Variants in CHD5 observed in about 807,000 individuals in gnomAD.
CHD5 encodes the protein chromodomain helicase DNA binding protein 5.
In CHD5, 69 loss-of-function variants were observed where a neutral mutation model predicts 230.3. The observed-to-expected ratio is 0.30, with a 90% CI of 0.25 to 0.37. The LOEUF (loss-of-function observed/expected upper bound fraction) is 0.37, where lower values mean the gene tolerates loss of function less well. Among genes scored for constraint, CHD5 ranks in the 10% least tolerant of loss-of-function variants. The pLI is 1.00. For missense variants in CHD5, 1,827 were observed against 2,622.8 expected (o/e 0.70, Z 6.63); for synonymous variants, 1,064 against 1,065.9 (o/e 1.00, Z 0.03).
intron 3 of CHD5, among the ~76,000 whole-genome samples, chr1:6,157,495 C>A (rs181781907): frequency 1.3e-4 from 20 of 152,330 alleles, no homozygotes; most frequent in African/African-American, 3.8e-4. Context: ...GTTCTCAGGG[C>A]CCTGATCCCA....
At position 6,180,071 on chromosome 1, in the gene CHD5, C is replaced by T; in HGVS notation, c.-48G>A. On this transcript the variant is annotated 5_prime_UTR_variant, in exon 1 of 42. Coordinates refer to ENST00000262450, the MANE Select transcript of CHD5 (RefSeq NM_015557.3). Reference sequence around the variant, plus strand: ...GGTGGGCGCCCCCCCTCCCGCCGGGCGCGGTGCCAGCCTTAACCCGTGCGC... The same window carrying T: ...GGTGGGCGCCCCCCCTCCCGCCGGGTGCGGTGCCAGCCTTAACCCGTGCGC... 9.0e-7 allele frequency: 1 copy of T among 1,108,194 alleles called. No homozygotes were observed. 68.6% of individuals were successfully genotyped at this position (1,108,194 alleles called of 1,614,324 possible). A position where few individuals can be genotyped will look rare whatever the true frequency, so the allele number is the denominator to read the frequency against.
At chr1:6,159,593 G>A in intron 2 of CHD5, 78 bp from the exon 3 acceptor site, 4 of 1,250,108 alleles carry the variant, frequency 3.2e-6, no homozygotes, top group Non-Finnish European at 4.5e-6. Context: ...ACGGCCCTGA[G>A]AGCTACCTCC....
At chr1:6,113,043 AAC>A in intron 33 of CHD5, 45 bp from the exon 34 acceptor site, 1 of 1,330,594 alleles carries the variant, frequency 7.5e-7, no homozygotes, top group South Asian at 1.2e-5. Context: ...GGTCCCAGAA[AAC>A]ACAGAGGACT....
chr1:6,159,655 G>A (rs1241367683), intron 2 of CHD5, 140 bp from the exon 3 acceptor site: 2 of 701,734 alleles, frequency 2.9e-6, no homozygotes, highest in Non-Finnish European at 4.7e-6. Context: ...ATCATCAGAG[G>A]CCACTGCTCA....
chr1:6,161,132 GAGAAGGAAAGGAAAGGGTGGC>G lies in CHD5; in HGVS notation c.208-1638_208-1618del, dbSNP rs372229360. Among the ~76,000 whole-genome samples the G allele has an allele frequency of 5.5e-3, 832 of 152,144 alleles. 16 individuals are homozygous for G. Among genetic ancestry groups the G allele is most frequent in the African/African-American group, 0.019 (800 of 41,530 alleles). On this transcript the variant is annotated intron_variant, in intron 2 of 41. Coordinates refer to ENST00000262450, the MANE Select transcript of CHD5 (RefSeq NM_015557.3). ...AGGATGAAGGAAAGAGGGAGGGAGGGAGAAGGAAAGGAAAGGGTGGCAGAAGGAAAGAGAATGAGGAGGCAG... is the reference window on the plus strand; with the variant it reads ...AGGATGAAGGAAAGAGGGAGGGAGGGAGAAGGAAAGAGAATGAGGAGGCAG...
At chr1:6,175,380 T>G in intron 1 of CHD5, among the ~76,000 whole-genome samples, 1 of 140,792 alleles carries the variant, frequency 7.1e-6, no homozygotes, top group African/African-American at 3.0e-5. Context: ...GGATGGATGG[T>G]GGATGGATGC....
rs1432831837 is a variant in CHD5 at position 6,172,519 on chromosome 1, A to G, written c.80-4242T>C. 5.3e-5 allele frequency among the ~76,000 whole-genome samples: 8 copies of G among 152,194 alleles called. No homozygotes were observed. In the East Asian group the frequency reaches 1.5e-3, roughly 29 times the overall value. ...GTTCTATTCTTATCCCCATCTGCAG[A>G]TTGGGAAACTGAGGCTCAAAGGACC... On this transcript the variant is annotated intron_variant, in intron 1 of 41. Coordinates refer to ENST00000262450, the MANE Select transcript of CHD5 (RefSeq NM_015557.3).
intron 1 of CHD5, among the ~76,000 whole-genome samples, chr1:6,176,148 T>G (rs1383912881): frequency 2.0e-5 from 3 of 152,126 alleles, no homozygotes; most frequent in Non-Finnish European, 2.9e-5. Flanking sequence ...GTCTCCCTCC[T>G]CCCAGAAAAG....
At chr1:6,140,220 T>C (rs946163454) in intron 15 of CHD5, among the ~76,000 whole-genome samples, 21 of 151,924 alleles carry the variant, frequency 1.4e-4, no homozygotes, top group Non-Finnish European at 2.5e-4. Flanking sequence ...GGCCAACATG[T>C]GAAACCCAGT....
intron 20 of CHD5, among the ~76,000 whole-genome samples, chr1:6,132,910 CAA>C (rs1666680618): frequency 6.6e-6 from 1 of 151,110 alleles, no homozygotes; most frequent in African/African-American, 2.4e-5. Flanking sequence ...CTCTCTCTCT[CAA>C]GAGACAGGGT....
Position 6,153,581 on chromosome 1 carries a change from C to A in CHD5, c.746-1045G>T, listed in dbSNP as rs542038572. Among the ~76,000 whole-genome samples, 88 of 152,356 alleles carry A rather than the reference C, an allele frequency of 5.8e-4. 1 individual carries two copies. Among genetic ancestry groups the A allele is most frequent in the South Asian group, 1.0e-3 (5 of 4,832 alleles). On this transcript the variant is annotated intron_variant, in intron 5 of 41. Coordinates refer to ENST00000262450, the MANE Select transcript of CHD5 (RefSeq NM_015557.3). ...CGGTGGCTCACACCTGCAATCCCAG[C>A]ACTTTGGGAGGCCGAGGTGGGCAGA...
chr1:6,154,587 G>A lies in CHD5; in HGVS notation c.745+73C>T, dbSNP rs1222256423. ...GCCCCTCCCTGCCCGCGTCTGCCCC[G>A]TGGCTTCTCCTATAGGGTCTGAAAG... On this transcript the variant is annotated intron_variant, in intron 5 of 41. Coordinates refer to ENST00000262450, the MANE Select transcript of CHD5 (RefSeq NM_015557.3). The surrounding 1 kb of genome is among the most constrained non-coding windows in gnomAD (Gnocchi z 7.0). 31 of 1,383,174 alleles carry A rather than the reference G, an allele frequency of 2.2e-5. No individual in the cohort carries two copies. The highest frequency in any genetic ancestry group is 1.5e-4 in the South Asian group (10 of 65,380). The allele number at this position is 1,383,174 out of a possible 1,614,324, so 85.7% of individuals were successfully genotyped here.
At chr1:6,153,131 C>T (rs1667031316) in intron 5 of CHD5, among the ~76,000 whole-genome samples, 1 of 152,228 alleles carries the variant, frequency 6.6e-6, no homozygotes, top group Admixed American at 6.5e-5. Flanking sequence ...ATGCACACCC[C>T]ACAGAGGCAG....
At position 6,152,560 on chromosome 1, in the gene CHD5, C is replaced by T. The variant is rs754931166; in HGVS notation, c.746-24G>A. 6 of 1,612,614 alleles carry T rather than the reference C, an allele frequency of 3.7e-6. No individual in the cohort carries two copies. The Admixed American group carries it at 1.0e-4, about 27-fold the overall frequency. ...CCCTGAAAAACAGCAGTGATGATAG[C>T]CAACCACTGCCACCACTGACGGCCT... is the stretch of plus-strand genomic sequence containing the variant. On this transcript the variant is annotated intron_variant, in intron 5 of 41. Coordinates refer to ENST00000262450, the MANE Select transcript of CHD5 (RefSeq NM_015557.3).
In CHD5 at chr1:6,125,148, G is replaced by C. The variant is rs761049455; in HGVS notation, c.4346C>G (p.Ser1449Cys). ...TCGAAGGTCCCGCACCAGCCAGTGG[G>C]AGTTGAAGGCGTCCTGCGGGGGCAT... ...WGMPPQDAFN[S>C]HWLVRDLRGK... The change falls in exon 29 of 42, where the codon TCC becomes TGC. Residue 1449 changes from serine (S) to cysteine (C), a missense_variant. By Grantham distance (112) the Ser-to-Cys change is moderately radical (BLOSUM62 -1). Transcript: ENST00000262450. This position sits in a 1 kb window ranked among gnomAD's most constrained non-coding sequence, Gnocchi z 6.7. The C allele has an allele frequency of 1.2e-6, 2 of 1,606,364 alleles. No individual in the cohort carries two copies. The highest frequency in any genetic ancestry group is 4.5e-5 in the East Asian group (2 of 44,732).
intron 33 of CHD5, 132 bp downstream of exon 33, chr1:6,120,973 C>T (rs1192048699): frequency 1.8e-6 from 2 of 1,090,104 alleles, no homozygotes; most frequent in Middle Eastern, 3.2e-4. Context: ...ACCAGGGGGC[C>T]TGCAGAGGGT....
rs1454444445 is a variant in CHD5 at position 6,121,150 on chromosome 1, C to G, written c.4867G>C (p.Glu1623Gln). 6.2e-7 allele frequency: 1 copy of G among 1,613,806 alleles called. No individual in the cohort carries two copies. The highest frequency in any genetic ancestry group is 1.1e-5 in the South Asian group (1 of 91,054). The change falls in exon 33 of 42, where the codon GAG becomes CAG. Residue 1623 changes from glutamate to glutamine, a missense_variant. Physicochemically the swap from Glu to Gln is conservative, Grantham distance 29. Around this residue, in one of 14 missense-constraint regions of CHD5, gnomAD observed 272 missense variants for 263.2 expected, o/e 1.03. Transcript: ENST00000262450. The surrounding 1 kb of genome is among the most constrained non-coding windows in gnomAD (Gnocchi z 4.5). ...GAGGGCGGGGCCTTCTCCGTCTCCT[C>G]TGGCCGCTCCTCTCGGGCTCTCTCC... Reference protein sequence around the residue: ...SKERAREERPEETEKAPPSPE... With the variant: ...SKERAREERPQETEKAPPSPE...
At chr1:6,107,715 GGGATGATGGAGGGATGAGGGATGAT>G (rs1330024082) in intron 38 of CHD5, among the ~76,000 whole-genome samples, 36 of 143,770 alleles carry the variant, frequency 2.5e-4, no homozygotes, top group Admixed American at 6.2e-4. Flanking sequence ...GAGAGATGGA[GGGATGATGGAGGGATGAGGGATGAT>G]GGATGATGGA....
chr1:6,146,673 C>A lies in CHD5; in HGVS notation c.1582G>T (p.Glu528Ter). The change falls in exon 10 of 42, where the codon GAG (glutamate) becomes TAG (stop). Residue 528 changes from glutamate (E) to a stop codon, truncating the protein, a stop_gained. Coordinates refer to ENST00000262450, the MANE Select transcript of CHD5 (RefSeq NM_015557.3). LOFTEE classifies it high-confidence loss of function. This position sits in a 1 kb window ranked among gnomAD's most constrained non-coding sequence, Gnocchi z 5.1. ...LSYWHCSWVK[E>*]LQLELYHTVM... ...CCCTCCCGGGCACTCACCTGTAGCT[C>A]CTTCACCCAGGAGCAATGCCAGTAG... The A allele has an allele frequency of 6.2e-7, 1 of 1,613,984 alleles. No homozygotes were observed.
Sources: allele counts gnomAD v4.1 joint callset (sites outside exome capture counted in the v4.1 genomes callset), GRCh38; gene constraint gnomAD v4.1.1; regional missense constraint gnomAD v4.1.1; non-coding constraint Gnocchi (gnomAD v3.1); transcripts MANE v1.5; gene names NCBI Gene and HGNC (gene_info 2026-07-23, HGNC 2026-07-21).